NFYC: variants seen among roughly 807,000 people sequenced by gnomAD.
NFYC encodes nuclear transcription factor Y subunit gamma, also known as CAAT box DNA-binding protein subunit C.
In NFYC, 25 loss-of-function variants were observed where a neutral mutation model predicts 53.1. That is an observed-to-expected ratio of 0.47 (90% CI 0.34 to 0.66). The LOEUF is 0.66. Ranked by LOEUF, NFYC falls within the 30% of genes least tolerant of loss-of-function variation. NFYC has a pLI of 0.01. For synonymous variants in NFYC, 145 were observed against 152.6 expected, an observed-to-expected ratio of 0.95 and a Z score of 0.37; for missense variants, 260 against 422.7, an observed-to-expected ratio of 0.62 and a Z score of 3.38.
At chr1:40,730,925 C>T (rs1417830906) in intron 1 of NFYC, among the ~76,000 whole-genome samples, 3 of 152,118 alleles carry the variant, frequency 2.0e-5, no homozygotes, top group South Asian at 2.1e-4. Flanking sequence ...AGTTCCTGGC[C>T]GGGGTCACTC....
chr1:40,747,577 A>C lies in NFYC; in HGVS notation c.149A>C (p.Lys50Thr). 1 of 1,613,376 alleles carries C rather than the reference A, an allele frequency of 6.2e-7. No homozygotes were observed. Among genetic ancestry groups the C allele is most frequent in the Non-Finnish European group, 8.5e-7 (1 of 1,179,396 alleles). ...VQELPLARIK[K>T]IMKLDEDVKM... ...GAACTCCCACTGGCTCGTATTAAGA[A>C]GATTATGAAACTGGATGAAGATGTG... is the stretch of plus-strand genomic sequence containing the variant. The change falls in exon 3 of 10, where the codon AAG (lysine) becomes ACG (threonine). Residue 50 changes from lysine to threonine, a missense_variant. Physicochemically the swap from Lys to Thr is moderately conservative, Grantham distance 78. Coordinates refer to ENST00000447388, the MANE Select transcript of NFYC (RefSeq NM_014223.5).
At chr1:40,736,055 A>G (rs1432865103) in intron 1 of NFYC, among the ~76,000 whole-genome samples, 2 of 152,146 alleles carry the variant, frequency 1.3e-5, no homozygotes, top group Non-Finnish European at 2.9e-5. Context: ...ACTGTGATTG[A>G]ACACTTCCCT....
At chr1:40,743,179 T>A (rs1382783275) in intron 2 of NFYC, among the ~76,000 whole-genome samples, 1 of 152,256 alleles carries the variant, frequency 6.6e-6, no homozygotes, top group Non-Finnish European at 1.5e-5. Flanking sequence ...CAAGTCCTTT[T>A]GGTCTGCGTC....
At chr1:40,754,346 G>A (rs111457270) in intron 5 of NFYC, 15 of 534,482 alleles carry the variant, frequency 2.8e-5, no homozygotes, top group African/African-American at 9.6e-5. Context: ...CTGCGTCTCC[G>A]TTCTTTCTGG....
intron 1 of NFYC, among the ~76,000 whole-genome samples, chr1:40,704,605 G>A (rs1643605182): frequency 6.6e-6 from 1 of 152,222 alleles, no homozygotes. Flanking sequence ...TCTAAGGTAA[G>A]TGTTGATGAG....
chr1:40,721,255 A>G (rs898857204), intron 1 of NFYC, among the ~76,000 whole-genome samples: 1 of 152,250 alleles, frequency 6.6e-6, no homozygotes, highest in South Asian at 2.1e-4. Context: ...ATGCTATTGC[A>G]GAAGAGCCTT....
At chr1:40,720,542 C>T (rs1226014610) in intron 1 of NFYC, among the ~76,000 whole-genome samples, 3 of 152,046 alleles carry the variant, frequency 2.0e-5, no homozygotes, top group Non-Finnish European at 4.4e-5. Flanking sequence ...AGAAAAGTAC[C>T]TAGAATGAGG....
At chr1:40,730,418 G>A (rs778019176) in intron 1 of NFYC, 2 of 199,828 alleles carry the variant, frequency 1.0e-5, no homozygotes, top group African/African-American at 2.4e-5. Context: ...ATTAAGTGGC[G>A]TAATTTCAGT....
chr1:40,766,741 C>A, intron 8 of NFYC, 38 bp downstream of exon 8: 1 of 1,590,648 alleles, frequency 6.3e-7, no homozygotes, highest in Non-Finnish European at 8.6e-7. Flanking sequence ...TGTTGGAGAC[C>A]AGGAGCAGAT....
At chr1:40,742,777 A>G (rs1189200541) in intron 2 of NFYC, among the ~76,000 whole-genome samples, 1 of 152,224 alleles carries the variant, frequency 6.6e-6, no homozygotes, top group South Asian at 2.1e-4. Flanking sequence ...AATGCAATCC[A>G]GTAAAGTCAG....
At chr1:40,721,062 TA>T (rs747288460) in intron 1 of NFYC, among the ~76,000 whole-genome samples, 1 of 151,956 alleles carries the variant, frequency 6.6e-6, no homozygotes, top group Non-Finnish European at 1.5e-5. Flanking sequence ...ATATGCCCCC[TA>T]AAAAAAGAGA....
In NFYC at chr1:40,735,651, T is replaced by C. The variant is rs373125973; in HGVS notation, c.-8-3185T>C. The C allele has an allele frequency of 1.0e-3, 1,002 of 985,454 alleles. 1 individual carries two copies. Among genetic ancestry groups the C allele is most frequent in the Middle Eastern group, 4.7e-3 (9 of 1,914 alleles). The allele number at this position is 985,454 out of a possible 1,614,324, so 61.0% of individuals were successfully genotyped here. ...CCATCCATTAGCAAGTGTACAGAGA[T>C]ATCGTCCTGGCAATTGTGCATCTTT... On this transcript the variant is annotated intron_variant, in intron 1 of 9. Transcript: ENST00000447388.
At chr1:40,712,288 C>T (rs894982331) in intron 1 of NFYC, 8 of 152,156 alleles carry the variant, frequency 5.3e-5, no homozygotes, top group Non-Finnish European at 8.8e-5. Flanking sequence ...ACCACCAGTC[C>T]TTTACTCATC....
rs548246334 is a variant in NFYC at position 40,754,765 on chromosome 1, C to T, written c.387+1519C>T. On this transcript the variant is annotated intron_variant, in intron 5 of 9. Transcript: ENST00000447388. ...ATACACTGGCTGGAGAGAAGGGTCA[C>T]ATCCTGTCAGTTCCTCCAAATTCCT... 1.2e-4 allele frequency among the ~76,000 whole-genome samples: 19 copies of T among 152,246 alleles called. No homozygotes were observed. In the South Asian group the frequency reaches 3.9e-3, roughly 32 times the overall value.
At position 40,709,373 on chromosome 1, in the gene NFYC, C is replaced by T. The variant is rs190150089; in HGVS notation, c.-9+17506C>T. ...AGGAGGCTGCAGGGCTTCATTGGAG[C>T]CTCGGAGTTTTTCACTGAGGCAGGG... On this transcript the variant is annotated intron_variant, in intron 1 of 9. Coordinates refer to ENST00000447388, the MANE Select transcript of NFYC (RefSeq NM_014223.5). The T allele has an allele frequency of 3.9e-5, 6 of 152,214 alleles. No homozygotes were observed. The East Asian group carries it at 1.2e-3, about 29-fold the overall frequency. The allele number at this position is 152,214 out of a possible 1,614,324, so 9.4% of individuals were successfully genotyped here.
At chr1:40,703,870 A>G (rs1056049201) in intron 1 of NFYC, among the ~76,000 whole-genome samples, 1 of 152,150 alleles carries the variant, frequency 6.6e-6, no homozygotes, top group African/African-American at 2.4e-5. Flanking sequence ...CACTCCTGTT[A>G]GTTGGTGTTA....
At chr1:40,706,237 G>A (rs187703884) in intron 1 of NFYC, among the ~76,000 whole-genome samples, 2 of 152,112 alleles carry the variant, frequency 1.3e-5, no homozygotes, top group Admixed American at 1.3e-4. Flanking sequence ...CTAGGGACCA[G>A]TTTTTGTAAC....
At chr1:40,697,263 G>T (rs1027385168) in intron 1 of NFYC, among the ~76,000 whole-genome samples, 1 of 152,162 alleles carries the variant, frequency 6.6e-6, no homozygotes, top group Non-Finnish European at 1.5e-5. Context: ...CTTTCAGCCC[G>T]TTACAGCTTC....
intron 1 of NFYC, among the ~76,000 whole-genome samples, chr1:40,717,786 T>C (rs1644192036): frequency 6.6e-6 from 1 of 152,162 alleles, no homozygotes; most frequent in Non-Finnish European, 1.5e-5. Flanking sequence ...AAATCTCAAA[T>C]GGCAGCATCC....
Sources: allele counts gnomAD v4.1 joint callset (sites outside exome capture counted in the v4.1 genomes callset), GRCh38; gene constraint gnomAD v4.1.1; transcripts MANE v1.5; gene names NCBI Gene and HGNC (gene_info 2026-07-23, HGNC 2026-07-21).